The following RBFOX1 variants were observed in gnomAD, a reference collection of about 807,000 sequenced individuals.
RBFOX1 encodes RNA binding fox-1 homolog 1, also known as RNA binding protein fox-1 homolog 1.
In RBFOX1, 8 loss-of-function variants were observed where a neutral mutation model predicts 57.7. The observed-to-expected ratio is 0.14, with a 90% confidence interval of 0.08 to 0.25. The LOEUF (loss-of-function observed/expected upper bound fraction) is 0.25, where lower values mean the gene tolerates loss of function less well. RBFOX1 is among the 10% of genes least tolerant of loss of function. RBFOX1 has a pLI of 1.00. For missense variants in RBFOX1, 611 were observed against 548.5 expected, an observed-to-expected ratio of 1.11 and a Z score of -1.14; for synonymous variants, 326 against 222.4, an observed-to-expected ratio of 1.47 and a Z score of -4.15.
chr16:5,432,429 T>C (rs891442161), intron 1 of RBFOX1, among the ~76,000 whole-genome samples: 1 of 152,168 alleles, frequency 6.6e-6, no homozygotes, highest in Non-Finnish European at 1.5e-5. Context: ...CCCGTATTTA[T>C]TGTCCGTCAT....
intron 4 of RBFOX1, among the ~76,000 whole-genome samples, chr16:7,095,953 C>T (rs1421988284): frequency 1.4e-5 from 2 of 143,518 alleles, no homozygotes; most frequent in Admixed American, 7.2e-5. Context: ...GCGGAGCTTG[C>T]AGTGAGCTGA....
At chr16:7,385,999 C>G (rs1406694869) in intron 4 of RBFOX1, among the ~76,000 whole-genome samples, 1 of 150,484 alleles carries the variant, frequency 6.6e-6, no homozygotes, top group African/African-American at 2.4e-5. Flanking sequence ...CCATGTTGGC[C>G]AGGCTGGTCT....
At chr16:6,541,250 A>G (rs1182520503) in intron 2 of RBFOX1, among the ~76,000 whole-genome samples, 5 of 152,202 alleles carry the variant, frequency 3.3e-5, no homozygotes, top group Non-Finnish European at 1.5e-5. Context: ...CTCTCCTGGA[A>G]TAGCCCGGGA....
rs141027296 is a variant in RBFOX1, at chr16:6,886,218, C to T, written c.-15-165839C>T. 3.2e-3 allele frequency among the ~76,000 whole-genome samples: 486 copies of T among 151,980 alleles called. 3 individuals carry two copies. The highest frequency in any genetic ancestry group is 0.011 in the African/African-American group (464 of 41,496). On this transcript the variant is annotated intron_variant, in intron 3 of 15. Coordinates refer to ENST00000550418, the MANE Select transcript of RBFOX1 (RefSeq NM_018723.4). ...CTGGGATTACAGGCGTGTGCTACCA[C>T]GCTTAGCTAATTTTTGTATTTTTAG... is the stretch of plus-strand genomic sequence containing the variant.
intron 3 of RBFOX1, among the ~76,000 whole-genome samples, chr16:5,778,234 G>T (rs377244327): frequency 2.0e-5 from 3 of 152,138 alleles, no homozygotes; most frequent in Non-Finnish European, 4.4e-5. Context: ...ATCCATGTGT[G>T]GAGACCTAAC....
At chr16:6,442,915 C>T (rs1405340378) in intron 2 of RBFOX1, among the ~76,000 whole-genome samples, 2 of 152,048 alleles carry the variant, frequency 1.3e-5, no homozygotes, top group Non-Finnish European at 2.9e-5. Context: ...CGAAAGTAAC[C>T]GCAATTACTT....
At chr16:6,368,031 T>G (rs2089914221) in intron 2 of RBFOX1, among the ~76,000 whole-genome samples, 1 of 152,198 alleles carries the variant, frequency 6.6e-6, no homozygotes, top group Non-Finnish European at 1.5e-5. Context: ...AATGTCCTAT[T>G]TTCTTTACGT....
intron 4 of RBFOX1, among the ~76,000 whole-genome samples, chr16:7,500,072 G>C (rs995430592): frequency 7.9e-5 from 12 of 151,992 alleles, no homozygotes; most frequent in African/African-American, 2.4e-4. Context: ...CAACCCACTG[G>C]GCTCAGCATT....
At chr16:5,303,876 A>C (rs1277901797) in intron 1 of RBFOX1, among the ~76,000 whole-genome samples, 1 of 152,110 alleles carries the variant, frequency 6.6e-6, no homozygotes, top group Non-Finnish European at 1.5e-5. Flanking sequence ...TAAATAAGGG[A>C]GGAGGCCCAC....
intron 1 of RBFOX1, among the ~76,000 whole-genome samples, chr16:5,279,959 A>T (rs2151145145): frequency 6.6e-6 from 1 of 152,244 alleles, no homozygotes; most frequent in East Asian, 1.9e-4. Flanking sequence ...TCTGGCTTGG[A>T]TGTGCCATAC....
At chr16:6,618,331 G>C (rs1418113532) in intron 2 of RBFOX1, among the ~76,000 whole-genome samples, 1 of 152,174 alleles carries the variant, frequency 6.6e-6, no homozygotes, top group Non-Finnish European at 1.5e-5. Context: ...TTAAAACGCA[G>C]TTTCAAGCCC....
At chr16:7,405,496 A>G (rs929930729) in intron 4 of RBFOX1, among the ~76,000 whole-genome samples, 10 of 152,192 alleles carry the variant, frequency 6.6e-5, no homozygotes, top group African/African-American at 1.7e-4. Flanking sequence ...GAAGGCAGCA[A>G]TTAAATGAGT....
intron 1 of RBFOX1, among the ~76,000 whole-genome samples, chr16:6,079,535 G>C (rs1597092268): frequency 6.6e-6 from 1 of 151,852 alleles, no homozygotes; most frequent in South Asian, 2.1e-4. Flanking sequence ...TGTTGTCCAG[G>C]CTGGTCTCAA....
At chr16:6,726,785 T>A (rs796120550) in intron 3 of RBFOX1, among the ~76,000 whole-genome samples, 8 of 152,264 alleles carry the variant, frequency 5.3e-5, no homozygotes, top group African/African-American at 1.9e-4. Context: ...GTAATTGCTA[T>A]GTTCCCTACC....
At chr16:5,966,656 A>G (rs1043454503) in intron 4 of RBFOX1, among the ~76,000 whole-genome samples, 1 of 151,956 alleles carries the variant, frequency 6.6e-6, no homozygotes, top group South Asian at 2.1e-4. Context: ...TTCGCCACAC[A>G]CCTTTAAACG....
intron 4 of RBFOX1, among the ~76,000 whole-genome samples, chr16:7,124,782 C>G (rs764724894): frequency 6.6e-6 from 1 of 151,988 alleles, no homozygotes; most frequent in African/African-American, 2.4e-5. Flanking sequence ...TGCTGCACTT[C>G]CAATGAAAAC....
intron 1 of RBFOX1, among the ~76,000 whole-genome samples, chr16:5,247,518 T>C (rs900768784): frequency 6.6e-6 from 1 of 152,160 alleles, no homozygotes; most frequent in African/African-American, 2.4e-5. Flanking sequence ...GTCTACAAGA[T>C]GGATGGGTCC....
chr16:6,477,153 C>T (rs1407989975), intron 2 of RBFOX1, among the ~76,000 whole-genome samples: 1 of 152,172 alleles, frequency 6.6e-6, no homozygotes, highest in Non-Finnish European at 1.5e-5. Flanking sequence ...TCAACTTATT[C>T]CAAACTCCTG....
chr16:7,622,596 A>C (rs2142091332), intron 10 of RBFOX1, among the ~76,000 whole-genome samples: 1 of 150,394 alleles, frequency 6.6e-6, no homozygotes, highest in Middle Eastern at 3.4e-3. Context: ...TAAAAAGCAA[A>C]AAGAAAACAA....
Sources: gnomAD v4.1 joint callset for allele counts (sites outside exome capture counted in the v4.1 genomes callset) on GRCh38, gnomAD v4.1.1 for gene constraint, MANE v1.5 for transcripts, NCBI Gene and HGNC (gene_info 2026-07-23, HGNC 2026-07-21) for gene names.